The following OR4D6 variants were observed in gnomAD, a reference collection of about 807,000 sequenced individuals.
The protein encoded by OR4D6 is olfactory receptor family 4 subfamily D member 6, also known as olfactory receptor 4D6.
OR4D6 carries 9 observed loss-of-function variants against 10.9 expected under a neutral mutation model. That is an observed-to-expected ratio of 0.82 (90% CI 0.50 to 1.44). The LOEUF (loss-of-function observed/expected upper bound fraction) is 1.44, where lower values mean the gene tolerates loss of function less well. Ranked by LOEUF, OR4D6 falls within the 40% of genes most tolerant of loss-of-function variation. The pLI, the probability that OR4D6 is intolerant of heterozygous loss-of-function variation, is 0.00. For missense variants in OR4D6, 370 were observed against 384.4 expected, an observed-to-expected ratio of 0.96 and a Z score of 0.31; for synonymous variants, 167 against 154.4, an observed-to-expected ratio of 1.08 and a Z score of -0.60.
In OR4D6 at chr11:59,457,378, G is replaced by T; in HGVS notation, c.418G>T (p.Val140Leu). Residue 140 changes from valine (V) to leucine (L), a missense_variant, in exon 1 of 1, where the codon GTG becomes TTG. By Grantham distance (32) the Val-to-Leu change is conservative. Transcript: ENST00000300127. Reference protein sequence around the residue: ...LHYVTMMRKEVWVALVVASWV... With the variant: ...LHYVTMMRKELWVALVVASWV... ...CTATGTGACCATGATGAGGAAAGAG[G>T]TGTGGGTGGCCTTGGTGGTGGCTTC... 1 of 1,613,958 alleles carries T rather than the reference G, an allele frequency of 6.2e-7. No homozygotes were observed. Among genetic ancestry groups the T allele is most frequent in the Non-Finnish European group, 8.5e-7 (1 of 1,179,944 alleles).
At position 59,456,991 on chromosome 11, in the gene OR4D6, G is replaced by C. The variant is rs17153766; in HGVS notation, c.31G>C (p.Glu11Gln). 29,509 of 1,613,842 alleles carry C rather than the reference G, an allele frequency of 0.018. 1,147 individuals carry two copies. The highest frequency in any genetic ancestry group is 0.16 in the Admixed American group (9,899 of 60,008). The change falls in exon 1 of 1, where the codon GAG becomes CAG. Residue 11 changes from glutamate (E) to glutamine (Q), a missense_variant. Transcript: ENST00000300127. Reference protein sequence around the residue: MDQINHTNVKEFFFLELTRSR... With the variant: MDQINHTNVKQFFFLELTRSR... ...CCAGATCAACCACACTAATGTGAAG[G>C]AGTTTTTCTTCCTGGAACTTACACG...
At position 59,457,280 on chromosome 11, in the gene OR4D6, C is replaced by T; in HGVS notation, c.320C>T (p.Ala107Val). ...CMAQIFFFHFAGGADIFFLSV... is the reference protein window; with the variant it reads ...CMAQIFFFHFVGGADIFFLSV... ...GCACAGATCTTTTTCTTCCACTTTGCTGGTGGGGCAGATATTTTTTTCCTC... is the reference window on the plus strand; with the variant it reads ...GCACAGATCTTTTTCTTCCACTTTGTTGGTGGGGCAGATATTTTTTTCCTC... The change falls in exon 1 of 1, where the codon GCT becomes GTT. Residue 107 changes from alanine to valine, a missense_variant. Transcript: ENST00000300127. 2 of 1,613,698 alleles carry T rather than the reference C, an allele frequency of 1.2e-6. No homozygotes were observed. Among genetic ancestry groups the T allele is most frequent in the Non-Finnish European group, 1.7e-6 (2 of 1,179,840 alleles).
chr11:59,457,642 C>T lies in OR4D6; in HGVS notation c.682C>T (p.His228Tyr), dbSNP rs1858687070. 1 of 1,613,472 alleles carries T rather than the reference C, an allele frequency of 6.2e-7. No individual in the cohort carries two copies. The highest frequency in any genetic ancestry group is 1.3e-5 in the African/African-American group (1 of 74,468). The change falls in exon 1 of 1, where the codon CAC (histidine) becomes TAC (tyrosine). Residue 228 changes from histidine (H) to tyrosine (Y), a missense_variant. His to Tyr is a moderately conservative substitution (Grantham distance 83). Transcript: ENST00000300127. ...YTVILVMLRSHSGEGRNKALS... is the reference protein window; with the variant it reads ...YTVILVMLRSYSGEGRNKALS... Reference sequence around the variant, plus strand: ...TGTCATTCTGGTGATGCTGAGATCCCACTCTGGGGAGGGGCGGAACAAGGC... The same window carrying T: ...TGTCATTCTGGTGATGCTGAGATCCTACTCTGGGGAGGGGCGGAACAAGGC...
chr11:59,457,139 A>AAATCAGTAGACTACATAGT lies in OR4D6; in HGVS notation c.179_180insAATCAGTAGACTACATAGT (p.Tyr60Ter). On this transcript the variant is annotated stop_gained and frameshift_variant, in exon 1 of 1. Transcript: ENST00000300127. LOFTEE classifies it high-confidence loss of function. ...GAGTCCCGCCTACACACTCCTATGT[A>AAATCAGTAGACTACATAGT]CTTTCTCCTGCGGAACAAATCAGTC... is the stretch of plus-strand genomic sequence containing the variant. The AAATCAGTAGACTACATAGT allele has an allele frequency of 6.2e-7, 1 of 1,614,106 alleles. No individual in the cohort carries two copies. Among genetic ancestry groups the AAATCAGTAGACTACATAGT allele is most frequent in the East Asian group, 2.2e-5 (1 of 44,876 alleles).
chr11:59,457,331 T>C lies in OR4D6; in HGVS notation c.371T>C (p.Leu124Pro). The change falls in exon 1 of 1, where the codon CTT (leucine) becomes CCT (proline). Residue 124 changes from leucine to proline, a missense_variant. Physicochemically the swap from Leu to Pro is moderately conservative, Grantham distance 98. Transcript: ENST00000300127. ...FLSVMAYDRY[L>P]AIAKPLHYVT... ...TCTGTGATGGCCTATGACAGATACC[T>C]TGCAATCGCCAAGCCCCTGCACTAT... is the stretch of plus-strand genomic sequence containing the variant. 2 of 1,613,040 alleles carry C rather than the reference T, an allele frequency of 1.2e-6. No individual in the cohort carries two copies. Among genetic ancestry groups the C allele is most frequent in the Non-Finnish European group, 1.7e-6 (2 of 1,179,474 alleles).
In OR4D6 at chr11:59,457,780, A is replaced by ACC; in HGVS notation, c.820_821insCC (p.Asn274ThrfsTer10). On this transcript the variant is annotated frameshift_variant, in exon 1 of 1. Coordinates refer to ENST00000300127, the MANE Select transcript of OR4D6 (RefSeq NM_001004708.1). LOFTEE classifies it high-confidence loss of function. ...GCCCATGGACACAACCATATCCATT[A>ACC]ATAACACGGTCATTACCCCCATGCT... The ACC allele has an allele frequency of 6.2e-7, 1 of 1,613,962 alleles. No individual in the cohort carries two copies. The highest frequency in any genetic ancestry group is 8.5e-7 in the Non-Finnish European group (1 of 1,179,852).
rs1459329919 is a variant in OR4D6 at position 59,457,841 on chromosome 11, T to C, written c.881T>C (p.Met294Thr). The C allele has an allele frequency of 1.2e-6, 2 of 1,614,096 alleles. No homozygotes were observed. The highest frequency in any genetic ancestry group is 1.7e-6 in the Non-Finnish European group (2 of 1,179,982). The change falls in exon 1 of 1, where the codon ATG becomes ACG. Residue 294 changes from methionine to threonine, a missense_variant. Transcript: ENST00000300127. ...ATCTATTCCCTGAGAAATCAAGAGA[T>C]GAAGTCAGCCATGCAGAGGCTGCAG... The part of the protein sequence containing the change: ...PIIYSLRNQE[M>T]KSAMQRLQRR...
Position 59,456,990 on chromosome 11 carries a change from G to C in OR4D6, c.30G>C (p.Lys10Asn). The C allele has an allele frequency of 6.2e-7, 1 of 1,613,958 alleles. No individual in the cohort carries two copies. The highest frequency in any genetic ancestry group is 8.5e-7 in the Non-Finnish European group (1 of 1,179,868). The stretch of plus-strand genomic sequence containing the variant: ...ACCAGATCAACCACACTAATGTGAA[G>C]GAGTTTTTCTTCCTGGAACTTACAC... MDQINHTNV[K>N]EFFFLELTRS... The change falls in exon 1 of 1, where the codon AAG (lysine) becomes AAC (asparagine). Residue 10 changes from lysine (K) to asparagine (N), a missense_variant. Transcript: ENST00000300127.
Position 59,457,772 on chromosome 11 carries a change from T to C in OR4D6, c.812T>C (p.Ile271Thr). Residue 271 changes from isoleucine (I) to threonine (T), a missense_variant, in exon 1 of 1, where the codon ATA becomes ACA. By Grantham distance (89) the Ile-to-Thr change is moderately conservative. Transcript: ENST00000300127. ...ATGACGCTGCCCATGGACACAACCA[T>C]ATCCATTAATAACACGGTCATTACC... is the stretch of plus-strand genomic sequence containing the variant. The part of the protein sequence containing the change: ...PFMTLPMDTT[I>T]SINNTVITPM... 3.1e-6 allele frequency: 5 copies of C among 1,613,902 alleles called. No homozygotes were observed. Among genetic ancestry groups the C allele is most frequent in the Non-Finnish European group, 4.2e-6 (5 of 1,179,830 alleles).
In OR4D6 at chr11:59,457,795, AC is replaced by A; in HGVS notation, c.840del (p.Met281CysfsTer2). 3 of 1,613,854 alleles carry A rather than the reference AC, an allele frequency of 1.9e-6. No individual in the cohort carries two copies. The Admixed American group carries it at 5.0e-5, about 27-fold the overall frequency. On this transcript the variant is annotated frameshift_variant, in exon 1 of 1. Coordinates refer to ENST00000300127, the MANE Select transcript of OR4D6 (RefSeq NM_001004708.1). LOFTEE classifies it high-confidence loss of function. ...TTISINNTVI[T>X]PMLNPIIYSL... ...CATATCCATTAATAACACGGTCATT[AC>A]CCCCATGCTGAACCCCATCATCTAT...
Position 59,457,549 on chromosome 11 carries a change from C to A in OR4D6, c.589C>A (p.Leu197Ile). The change falls in exon 1 of 1, where the codon CTT becomes ATT. Residue 197 changes from leucine (L) to isoleucine (I), a missense_variant. Leu to Ile is a conservative substitution (Grantham distance 5). Coordinates refer to ENST00000300127, the MANE Select transcript of OR4D6 (RefSeq NM_001004708.1). The stretch of plus-strand genomic sequence containing the variant: ...CTGCACTGACACCTTTGCTTTGGAG[C>A]TTTTCATGATCTCTAACAACGGACT... Reference protein sequence around the residue: ...LACTDTFALELFMISNNGLVT... With the variant: ...LACTDTFALEIFMISNNGLVT... 4 of 1,614,128 alleles carry A rather than the reference C, an allele frequency of 2.5e-6. No individual in the cohort carries two copies. The highest frequency in any genetic ancestry group is 2.2e-5 in the East Asian group (1 of 44,886).
rs1246471462 is a variant in OR4D6, at chr11:59,457,668, C to A, written c.708C>A (p.Ala236=). The part of the protein sequence containing the change: ...RSHSGEGRNK[A]LSTCTSHMLV... ...ACTCTGGGGAGGGGCGGAACAAGGC[C>A]CTCTCCACGTGCACGTCCCACATGC... is the stretch of plus-strand genomic sequence containing the variant. The change falls in exon 1 of 1, where the codon GCC becomes GCA. Residue 236 remains alanine (A), a synonymous_variant. Transcript: ENST00000300127. 3 of 1,613,862 alleles carry A rather than the reference C, an allele frequency of 1.9e-6. No individual in the cohort carries two copies. The African/African-American group carries it at 4.0e-5, about 22-fold the overall frequency.
chr11:59,457,111 T>C lies in OR4D6; in HGVS notation c.151T>C (p.Cys51Arg). The C allele has an allele frequency of 6.2e-7, 1 of 1,614,094 alleles. No individual in the cohort carries two copies. The highest frequency in any genetic ancestry group is 8.5e-7 in the Non-Finnish European group (1 of 1,179,956). ...TGCACTCATTGTGGTCACTATTACCTGTGAGTCCCGCCTACACACTCCTAT... is the reference window on the plus strand; with the variant it reads ...TGCACTCATTGTGGTCACTATTACCCGTGAGTCCCGCCTACACACTCCTAT... ...GNALIVVTIT[C>R]ESRLHTPMYF... The change falls in exon 1 of 1, where the codon TGT becomes CGT. Residue 51 changes from cysteine to arginine, a missense_variant. By Grantham distance (180) the Cys-to-Arg change is radical. Transcript: ENST00000300127.
rs374714603 is a variant in OR4D6, at chr11:59,457,720, T to C, written c.760T>C (p.Cys254Arg). 6.2e-7 allele frequency: 1 copy of C among 1,613,798 alleles called. No individual in the cohort carries two copies. The change falls in exon 1 of 1, where the codon TGT becomes CGT. Residue 254 changes from cysteine (C) to arginine (R), a missense_variant. By Grantham distance (180) the Cys-to-Arg change is radical (BLOSUM62 -3). Transcript: ENST00000300127. Reference sequence around the variant, plus strand: ...GGTGGTGACTCTTCACTTCGTGCCTTGTGTTTACATCTACTGCCGGCCCTT... The same window carrying C: ...GGTGGTGACTCTTCACTTCGTGCCTCGTGTTTACATCTACTGCCGGCCCTT... Reference protein sequence around the residue: ...MLVVTLHFVPCVYIYCRPFMT... With the variant: ...MLVVTLHFVPRVYIYCRPFMT...
chr11:59,457,075 G>A lies in OR4D6; in HGVS notation c.115G>A (p.Val39Ile). ...CTTCTTTGCTGTGTATGTAGCAACA[G>A]TCCTGGGAAATGCACTCATTGTGGT... ...VVFFAVYVAT[V>I]LGNALIVVTI... The change falls in exon 1 of 1, where the codon GTC (valine) becomes ATC (isoleucine). Residue 39 changes from valine (V) to isoleucine (I), a missense_variant. Val to Ile is a conservative substitution (Grantham distance 29). Transcript: ENST00000300127. 1 of 1,613,990 alleles carries A rather than the reference G, an allele frequency of 6.2e-7. No homozygotes were observed. Among genetic ancestry groups the A allele is most frequent in the Non-Finnish European group, 8.5e-7 (1 of 1,179,872 alleles).
chr11:59,457,082 G>A lies in OR4D6; in HGVS notation c.122G>A (p.Gly41Glu), dbSNP rs777953996. The stretch of plus-strand genomic sequence containing the variant: ...GCTGTGTATGTAGCAACAGTCCTGG[G>A]AAATGCACTCATTGTGGTCACTATT... ...FFAVYVATVL[G>E]NALIVVTITC... The change falls in exon 1 of 1, where the codon GGA becomes GAA. Residue 41 changes from glycine to glutamate, a missense_variant. Physicochemically the swap from Gly to Glu is moderately conservative, Grantham distance 98. Coordinates refer to ENST00000300127, the MANE Select transcript of OR4D6 (RefSeq NM_001004708.1). 24 of 1,614,058 alleles carry A rather than the reference G, an allele frequency of 1.5e-5. No homozygotes were observed. The highest frequency in any genetic ancestry group is 1.6e-4 in the Middle Eastern group (1 of 6,062).
In OR4D6 at chr11:59,457,302, CCT is replaced by C. The variant is rs751976312; in HGVS notation, c.347_348del (p.Ser116CysfsTer5). ...HFAGGADIFF[L>X]SVMAYDRYLA... Reference sequence around the variant, plus strand: ...TTGCTGGTGGGGCAGATATTTTTTTCCTCTCTGTGATGGCCTATGACAGATAC... The same window carrying C: ...TTGCTGGTGGGGCAGATATTTTTTTCCTCTGTGATGGCCTATGACAGATAC... On this transcript the variant is annotated frameshift_variant, in exon 1 of 1. Coordinates refer to ENST00000300127, the MANE Select transcript of OR4D6 (RefSeq NM_001004708.1). LOFTEE classifies it high-confidence loss of function. 3 of 1,613,144 alleles carry C rather than the reference CCT, an allele frequency of 1.9e-6. No individual in the cohort carries two copies. The African/African-American group carries it at 4.0e-5, about 22-fold the overall frequency.
In OR4D6 at chr11:59,457,540, G is replaced by T; in HGVS notation, c.580G>T (p.Ala194Ser). 1 of 1,614,082 alleles carries T rather than the reference G, an allele frequency of 6.2e-7. No individual in the cohort carries two copies. Among genetic ancestry groups the T allele is most frequent in the East Asian group, 2.2e-5 (1 of 44,880 alleles). The change falls in exon 1 of 1, where the codon GCT becomes TCT. Residue 194 changes from alanine (A) to serine (S), a missense_variant. Transcript: ENST00000300127. Reference protein sequence around the residue: ...VVKLACTDTFALELFMISNNG... With the variant: ...VVKLACTDTFSLELFMISNNG... ...AAAACTGGCCTGCACTGACACCTTT[G>T]CTTTGGAGCTTTTCATGATCTCTAA...
Position 59,457,504 on chromosome 11 carries a change from C to T in OR4D6, c.544C>T (p.Leu182Phe). 6.2e-7 allele frequency: 1 copy of T among 1,614,152 alleles called. No individual in the cohort carries two copies. The highest frequency in any genetic ancestry group is 1.7e-5 in the Admixed American group (1 of 60,022). ...ACTGGATGCCTTCTACTGTTATGTG[C>T]TCCAGGTGGTAAAACTGGCCTGCAC... Reference protein sequence around the residue: ...NTLDAFYCYVLQVVKLACTDT... With the variant: ...NTLDAFYCYVFQVVKLACTDT... The change falls in exon 1 of 1, where the codon CTC (leucine) becomes TTC (phenylalanine). Residue 182 changes from leucine to phenylalanine, a missense_variant. Physicochemically the swap from Leu to Phe is conservative, Grantham distance 22. Coordinates refer to ENST00000300127, the MANE Select transcript of OR4D6 (RefSeq NM_001004708.1).
Sources: gnomAD v4.1 joint callset for allele counts on GRCh38, gnomAD v4.1.1 for gene constraint, MANE v1.5 for transcripts, NCBI Gene and HGNC (gene_info 2026-07-23, HGNC 2026-07-21) for gene names.